Variants in CYFIP2 observed in about 807,000 individuals in gnomAD.
CYFIP2 encodes cytoplasmic FMR1 interacting protein 2.
In CYFIP2, 29 loss-of-function variants were observed where a neutral mutation model predicts 158.7. The ratio of observed to expected loss-of-function variants is 0.18; its 90% CI spans 0.14 to 0.25. The LOEUF is 0.25. Ranked by LOEUF, CYFIP2 falls within the 10% of genes least tolerant of loss-of-function variation. The pLI is 1.00. For synonymous variants in CYFIP2, 585 were observed against 617.6 expected (o/e 0.95, Z 0.78); for missense variants, 852 against 1,639.5 (o/e 0.52, Z 8.29).
intron 7 of CYFIP2, 88 bp downstream of exon 7, chr5:157,302,978 A>G (rs1264552413): frequency 3.1e-6 from 3 of 969,528 alleles, no homozygotes; most frequent in Non-Finnish European, 4.6e-6. Context: ...GAGCCCAAGC[A>G]GACAAGCTCA....
intron 23 of CYFIP2, chr5:157,343,096 G>GT (rs1561747643): frequency 9.3e-6 from 15 of 1,614,196 alleles, no homozygotes; most frequent in Non-Finnish European, 1.3e-5. Flanking sequence ...GGCCAGCCCT[G>GT]TAAGACCATC....
chr5:157,267,758 G>A (rs1030911396), intron 1 of CYFIP2, among the ~76,000 whole-genome samples: 25 of 152,268 alleles, frequency 1.6e-4, no homozygotes, highest in African/African-American at 5.5e-4. Flanking sequence ...GGGAAACACT[G>A]TAGAAATATT....
chr5:157,352,577 A>G (rs529129564), intron 23 of CYFIP2, among the ~76,000 whole-genome samples: 1 of 152,340 alleles, frequency 6.6e-6, no homozygotes, highest in African/African-American at 2.4e-5. Flanking sequence ...GGAATTTCCT[A>G]TGCAGAATTT....
At chr5:157,379,131 C>T (rs565945692) in intron 26 of CYFIP2, among the ~76,000 whole-genome samples, 1 of 152,140 alleles carries the variant, frequency 6.6e-6, no homozygotes, top group Non-Finnish European at 1.5e-5. Context: ...TTAGACAATA[C>T]TTACTGACTC....
intron 22 of CYFIP2, 23 bp from the exon 23 acceptor site, chr5:157,341,047 T>C (rs1248122616): frequency 6.2e-7 from 1 of 1,608,010 alleles, no homozygotes; most frequent in African/African-American, 1.3e-5. Flanking sequence ...ATTAACTCTT[T>C]CCCATCCCTA....
intron 1 of CYFIP2, among the ~76,000 whole-genome samples, chr5:157,284,986 A>T (rs1757262174): frequency 1.3e-5 from 2 of 152,214 alleles, no homozygotes; most frequent in South Asian, 4.1e-4. Flanking sequence ...ATGTTCTCAC[A>T]TCCCACTTGA....
At position 157,327,910 on chromosome 5, in the gene CYFIP2, G is replaced by A. The variant is rs1561731917; in HGVS notation, c.2080-63G>A. ...CCTGCCTGACTGCTGTCTTTCAGTT[G>A]GCTCAGTTTCTGTCATAAAGCTGAA... On this transcript the variant is annotated intron_variant, in intron 18 of 30. Transcript: ENST00000620254. 4.0e-6 allele frequency: 6 copies of A among 1,509,216 alleles called. No homozygotes were observed. The African/African-American group carries it at 4.1e-5, about 10-fold the overall frequency. The allele number at this position is 1,509,216 out of a possible 1,614,324, so 93.5% of individuals were successfully genotyped here. A position where few individuals can be genotyped will look rare whatever the true frequency, so the allele number is the denominator to read the frequency against.
At chr5:157,323,305 G>A (rs1017422576) in intron 15 of CYFIP2, among the ~76,000 whole-genome samples, 2 of 152,164 alleles carry the variant, frequency 1.3e-5, no homozygotes, top group Non-Finnish European at 2.9e-5. Flanking sequence ...ATGCCACCAA[G>A]GGGGCGCCAT....
intron 26 of CYFIP2, among the ~76,000 whole-genome samples, chr5:157,362,322 CCAG>C (rs1278281221): frequency 6.6e-6 from 1 of 152,180 alleles, no homozygotes; most frequent in Non-Finnish European, 1.5e-5. Flanking sequence ...TGCATGCATG[CCAG>C]CACATCTGTT....
At chr5:157,289,829 A>G (rs1014475357) in intron 3 of CYFIP2, among the ~76,000 whole-genome samples, 3 of 152,268 alleles carry the variant, frequency 2.0e-5, no homozygotes, top group Non-Finnish European at 4.4e-5. Flanking sequence ...ATTAAAAACA[A>G]TGGAAAAATC....
chr5:157,325,683 T>C, intron 17 of CYFIP2, 45 bp downstream of exon 17: 1 of 1,535,282 alleles, frequency 6.5e-7, no homozygotes, highest in Non-Finnish European at 8.8e-7. Flanking sequence ...GGGGTACAAG[T>C]AGAGGGCAGT....
chr5:157,288,254 A>G (rs1239789240), intron 3 of CYFIP2, among the ~76,000 whole-genome samples: 2 of 152,228 alleles, frequency 1.3e-5, no homozygotes, highest in South Asian at 2.1e-4. Context: ...CTCATCCTTT[A>G]TGAGGAACCC....
At chr5:157,374,982 G>A (rs1267907916) in intron 26 of CYFIP2, among the ~76,000 whole-genome samples, 1 of 152,214 alleles carries the variant, frequency 6.6e-6, no homozygotes, top group Non-Finnish European at 1.5e-5. Flanking sequence ...GCTGCCTAAT[G>A]ACGAGTAAGG....
At chr5:157,319,737 T>C (rs781708920) in intron 13 of CYFIP2, 25 bp from the exon 14 acceptor site, 2 of 1,612,158 alleles carry the variant, frequency 1.2e-6, no homozygotes, top group African/African-American at 1.3e-5. Flanking sequence ...ATGGTGAACA[T>C]GACCCTTGGC....
At position 157,361,868 on chromosome 5, in the gene CYFIP2, G is replaced by A. The variant is rs1477491247; in HGVS notation, c.3039+270G>A. Among the ~76,000 whole-genome samples the A allele has an allele frequency of 6.6e-6, 1 of 152,068 alleles. No homozygotes were observed. The highest frequency in any genetic ancestry group is 1.5e-5 in the Non-Finnish European group (1 of 68,012). On this transcript the variant is annotated intron_variant, in intron 26 of 30. Coordinates refer to ENST00000620254, the MANE Select transcript of CYFIP2 (RefSeq NM_001037333.3). The surrounding 1 kb of genome is among the most constrained non-coding windows in gnomAD (Gnocchi z 4.4). ...TGGCACAGTAAAAACAAACATCCAC[G>A]CTGAGGTTTACTGCAGGAGAAAGGA...
intron 26 of CYFIP2, among the ~76,000 whole-genome samples, chr5:157,378,093 A>G (rs950335946): frequency 1.3e-5 from 2 of 152,218 alleles, no homozygotes; most frequent in Non-Finnish European, 2.9e-5. Flanking sequence ...GACTGGGTAG[A>G]AAACTTTGGG....
intron 13 of CYFIP2, 150 bp downstream of exon 13, chr5:157,315,244 T>A: frequency 8.9e-7 from 1 of 1,128,550 alleles, no homozygotes; most frequent in Non-Finnish European, 1.2e-6. Context: ...TCAGAAGTTA[T>A]TCTGCTACTC....
At chr5:157,377,577 G>C (rs1765608341) in intron 26 of CYFIP2, among the ~76,000 whole-genome samples, 1 of 152,102 alleles carries the variant, frequency 6.6e-6, no homozygotes, top group Non-Finnish European at 1.5e-5. Flanking sequence ...CATCATCTTG[G>C]TAAGGGTTGT....
chr5:157,387,077 TAAGTTG>T (rs1290908707), intron 28 of CYFIP2, among the ~76,000 whole-genome samples: 1 of 151,878 alleles, frequency 6.6e-6, no homozygotes, highest in Non-Finnish European at 1.5e-5. Context: ...TTGAAAGAAA[TAAGTTG>T]AAGTTACTGA....
Sources: gnomAD v4.1 joint callset for allele counts (sites outside exome capture counted in the v4.1 genomes callset) on GRCh38, gnomAD v4.1.1 for gene constraint, Gnocchi (gnomAD v3.1) non-coding constraint, MANE v1.5 for transcripts, NCBI Gene and HGNC (gene_info 2026-07-23, HGNC 2026-07-21) for gene names.